MKLN1: variants seen among roughly 807,000 people sequenced by gnomAD.
MKLN1 encodes the protein muskelin.
MKLN1 carries 18 observed loss-of-function variants against 99.0 expected under a neutral mutation model. The observed-to-expected ratio is 0.18, with a 90% CI of 0.13 to 0.27. MKLN1 has a LOEUF of 0.27. MKLN1 is among the 10% of genes least tolerant of loss of function. MKLN1 has a pLI of 1.00. For synonymous variants in MKLN1, 288 were observed against 293.2 expected, an observed-to-expected ratio of 0.98 and a Z score of 0.18; for missense variants, 621 against 875.9, an observed-to-expected ratio of 0.71 and a Z score of 3.67.
intron 3 of MKLN1, among the ~76,000 whole-genome samples, chr7:131,253,360 A>C (rs542487639): frequency 2.0e-5 from 3 of 152,110 alleles, no homozygotes; most frequent in Non-Finnish European, 4.4e-5. Flanking sequence ...GGCCACCAGC[A>C]TTTCTCATCC....
intron 3 of MKLN1, among the ~76,000 whole-genome samples, chr7:131,205,984 C>T (rs1429139308): frequency 6.6e-6 from 1 of 151,726 alleles, no homozygotes; most frequent in Admixed American, 6.6e-5. Context: ...ACCTCTGCCT[C>T]CTGGGTTCAA....
chr7:131,445,750 C>CTTTTTTTTTTTTTTTTTTTTTTTTTTT, intron 11 of MKLN1, 24 bp from the exon 12 acceptor site: 2 of 1,221,118 alleles, frequency 1.6e-6, no homozygotes, highest in Non-Finnish European at 2.2e-6. Context: ...TTACTCCTTT[C>CTTTTTTTTTTTTTTTTTTTTTTTTTTT]TTTTTTTTTT....
intron 2 of MKLN1, among the ~76,000 whole-genome samples, chr7:131,186,031 A>G (rs1563244986): frequency 6.6e-6 from 1 of 151,802 alleles, no homozygotes; most frequent in Non-Finnish European, 1.5e-5. Flanking sequence ...TCTTCACTAA[A>G]AAAAACAAAA....
chr7:131,116,069 G>A (rs1795273403), intron 1 of MKLN1, among the ~76,000 whole-genome samples: 1 of 152,162 alleles, frequency 6.6e-6, no homozygotes, highest in Non-Finnish European at 1.5e-5. Flanking sequence ...ACTTTGGGAT[G>A]CCGAGGCGGG....
intron 12 of MKLN1, among the ~76,000 whole-genome samples, chr7:131,446,987 A>G (rs964787881): frequency 1.1e-4 from 17 of 152,340 alleles, no homozygotes; most frequent in Admixed American, 7.8e-4. Context: ...ATGAGTATAA[A>G]TAGCATCTAA....
chr7:131,253,137 G>A (rs999052642), intron 3 of MKLN1, among the ~76,000 whole-genome samples: 1 of 152,168 alleles, frequency 6.6e-6, no homozygotes, highest in Non-Finnish European at 1.5e-5. Context: ...TACAACAAAT[G>A]AAGAAATATT....
intron 1 of MKLN1, among the ~76,000 whole-genome samples, chr7:131,339,810 A>G (rs1446176801): frequency 3.9e-5 from 6 of 152,078 alleles, no homozygotes; most frequent in Non-Finnish European, 8.8e-5. Context: ...GGAATCTTAT[A>G]TTTATGTGAA....
chr7:131,416,284 G>A (rs927750903), intron 8 of MKLN1, among the ~76,000 whole-genome samples: 3 of 152,130 alleles, frequency 2.0e-5, no homozygotes, highest in African/African-American at 7.2e-5. Context: ...TGCTTACTGT[G>A]TTAATTATTA....
intron 1 of MKLN1, among the ~76,000 whole-genome samples, chr7:131,140,109 C>T (rs541310843): frequency 6.6e-6 from 1 of 152,318 alleles, no homozygotes; most frequent in South Asian, 2.1e-4. Context: ...GACCTGACTG[C>T]TGCCTCCCCG....
chr7:131,419,254 T>TG (rs1795120433), intron 8 of MKLN1, among the ~76,000 whole-genome samples: 1 of 140,776 alleles, frequency 7.1e-6, no homozygotes, highest in Non-Finnish European at 1.5e-5. Context: ...ATATTTTTGT[T>TG]TTTTTTTTTT....
At chr7:131,272,333 G>T (rs527312337) in intron 3 of MKLN1, among the ~76,000 whole-genome samples, 1 of 152,314 alleles carries the variant, frequency 6.6e-6, no homozygotes, top group African/African-American at 2.4e-5. Flanking sequence ...ATGTGCAAAG[G>T]TTTATAAATG....
chr7:131,292,305 G>A (rs1019811057), intron 3 of MKLN1, among the ~76,000 whole-genome samples: 2 of 152,158 alleles, frequency 1.3e-5, no homozygotes, highest in Non-Finnish European at 2.9e-5. Context: ...TAAATGTTGA[G>A]AAAATGATGA....
intron 3 of MKLN1, among the ~76,000 whole-genome samples, chr7:131,233,405 T>TAAAG: frequency 6.9e-6 from 1 of 145,016 alleles, no homozygotes; most frequent in Non-Finnish European, 1.5e-5. Context: ...AATAAATAAA[T>TAAAG]AAAAATAAAG....
chr7:131,241,868 C>A (rs762358558), intron 3 of MKLN1, among the ~76,000 whole-genome samples: 1 of 152,092 alleles, frequency 6.6e-6, no homozygotes, highest in Non-Finnish European at 1.5e-5. Flanking sequence ...GCATAGACCC[C>A]GCCAGCATTT....
Position 131,134,776 on chromosome 7 carries a change from A to T in MKLN1, c.-418-8044A>T, listed in dbSNP as rs139611740. Among the ~76,000 whole-genome samples, 1,501 of 152,160 alleles carry T rather than the reference A, an allele frequency of 9.9e-3. 19 individuals carry two copies. Among genetic ancestry groups the T allele is most frequent in the African/African-American group, 0.035 (1,432 of 41,504 alleles). ...TTTAGACTATTACAGTAGTCTTCTA[A>T]TTGGCTTTGCTGGCTCAGTCTTCAT... On this transcript the variant is annotated intron_variant, in intron 1 of 7. Transcript: ENST00000416992.
chr7:131,263,260 A>G (rs1294090132), intron 3 of MKLN1, among the ~76,000 whole-genome samples: 1 of 151,804 alleles, frequency 6.6e-6, no homozygotes, highest in Non-Finnish European at 1.5e-5. Context: ...TACTCCCAGC[A>G]CTTTGGGAGG....
In MKLN1 at chr7:131,494,914, TATAC is replaced by T. The variant is rs1464664899; in HGVS notation, c.*7196_*7199del. The stretch of plus-strand genomic sequence containing the variant: ...CCTTTATGCGTACATACTTTATAAA[TATAC>T]ATACATACACATACACATACATTTT... On this transcript the variant is annotated 3_prime_UTR_variant, in exon 18 of 18. Coordinates refer to ENST00000352689, the MANE Select transcript of MKLN1 (RefSeq NM_013255.5). 6.6e-6 allele frequency: 1 copy of T among 151,822 alleles called. No homozygotes were observed. The highest frequency in any genetic ancestry group is 1.5e-5 in the Non-Finnish European group (1 of 67,830). 9.4% of individuals were successfully genotyped at this position (151,822 alleles called of 1,614,324 possible). A position where few individuals can be genotyped will look rare whatever the true frequency, so the allele number is the denominator to read the frequency against.
chr7:131,241,471 C>T lies in MKLN1; in HGVS notation c.-179+38497C>T, dbSNP rs936035596. Among the ~76,000 whole-genome samples the T allele has an allele frequency of 7.3e-5, 11 of 151,530 alleles. No individual in the cohort carries two copies. In the South Asian group the frequency reaches 2.3e-3, roughly 32 times the overall value. The stretch of plus-strand genomic sequence containing the variant: ...CCTGTAATTCCAGCACTTTGGGAGG[C>T]CAAGGTGGGAGAATTATTTGAGCCC... On this transcript the variant is annotated intron_variant, in intron 3 of 7. Transcript: ENST00000416992.
intron 1 of MKLN1, among the ~76,000 whole-genome samples, chr7:131,356,431 G>A (rs539387740): frequency 6.6e-6 from 1 of 152,170 alleles, no homozygotes; most frequent in Admixed American, 6.5e-5. Flanking sequence ...GCTACCCACT[G>A]TAACATTTCC....
Sources: allele counts gnomAD v4.1 joint callset (sites outside exome capture counted in the v4.1 genomes callset), GRCh38; gene constraint gnomAD v4.1.1; transcripts MANE v1.5; gene names NCBI Gene and HGNC (gene_info 2026-07-23, HGNC 2026-07-21).